The following ALAS1 variants were observed in gnomAD, a reference collection of about 807,000 sequenced individuals.
ALAS1 encodes 5-aminolevulinate synthase, non-specific, mitochondrial.
Under a neutral mutation model 59.6 loss-of-function variants are expected in ALAS1, and 29 were observed. The observed-to-expected ratio is 0.49, with a 90% CI of 0.36 to 0.66. The LOEUF (loss-of-function observed/expected upper bound fraction) is 0.66, where lower values mean the gene tolerates loss of function less well. Among genes scored for constraint, ALAS1 ranks in the 30% least tolerant of loss-of-function variants. The pLI is 0.00. For missense variants in ALAS1, 690 were observed against 807.5 expected (o/e 0.85, Z 1.76); for synonymous variants, 299 against 296.6 (o/e 1.01, Z -0.08).
Position 52,203,548 on chromosome 3 carries a change from A to G in ALAS1, c.428-315A>G, listed in dbSNP as rs570898661. ...AGAATGGGACTCTGTCTCAAAAAAA[A>G]AAAAACAGAAAATTGAGATTAGGAT... is the stretch of plus-strand genomic sequence containing the variant. On this transcript the variant is annotated intron_variant, in intron 4 of 11. Transcript: ENST00000484952. Among the ~76,000 whole-genome samples the G allele has an allele frequency of 1.8e-4, 27 of 151,942 alleles. No homozygotes were observed. In the East Asian group the frequency reaches 4.8e-3, roughly 27 times the overall value.
intron 3 of ALAS1, among the ~76,000 whole-genome samples, chr3:52,202,141 G>A (rs931172249): frequency 6.6e-6 from 1 of 152,202 alleles, no homozygotes; most frequent in Non-Finnish European, 1.5e-5. Flanking sequence ...CCTGAGGTCA[G>A]GAGTTCAAGA....
intron 11 of ALAS1, among the ~76,000 whole-genome samples, chr3:52,212,984 G>T (rs566415278): frequency 6.6e-6 from 1 of 152,282 alleles, no homozygotes; most frequent in South Asian, 2.1e-4. Context: ...GTGCCCCCTT[G>T]TCTACGTGGC....
chr3:52,209,798 A>G (rs191206051), intron 9 of ALAS1, among the ~76,000 whole-genome samples: 79 of 151,646 alleles, frequency 5.2e-4, no homozygotes, highest in African/African-American at 1.8e-3. Context: ...TCCCACCTCA[A>G]CCTCCTGAAT....
In ALAS1 at chr3:52,198,757, C is replaced by T; in HGVS notation, c.-124C>T. 1 of 1,523,446 alleles carries T rather than the reference C, an allele frequency of 6.6e-7. No homozygotes were observed. Among genetic ancestry groups the T allele is most frequent in the South Asian group, 1.2e-5 (1 of 83,780 alleles). The allele number at this position is 1,523,446 out of a possible 1,614,324, so 94.4% of individuals were successfully genotyped here. On this transcript the variant is annotated 5_prime_UTR_variant, in exon 2 of 12. Transcript: ENST00000484952. ...TCGGGACCCTGCTGGACCCCTTCCT[C>T]GGGTTTAGGGGATGTGGGGACCAGG...
Position 52,208,087 on chromosome 3 carries a change from G to GGTGTGCCCACTGGAAGAGCT in ALAS1, c.1176_1195dup (p.Asp399AlafsTer69). 2 of 1,568,664 alleles carry GGTGTGCCCACTGGAAGAGCT rather than the reference G, an allele frequency of 1.3e-6. No individual in the cohort carries two copies. The highest frequency in any genetic ancestry group is 8.6e-7 in the Non-Finnish European group (1 of 1,159,644). ...CAGTCTCTGGTCTTTCCTCAGGGGC[G>GGTGTGCCCACTGGAAGAGCT]GTGTGCCCACTGGAAGAGCTGTGTG... is the stretch of plus-strand genomic sequence containing the variant. On this transcript the variant is annotated frameshift_variant, in exon 9 of 12. Coordinates refer to ENST00000484952, the MANE Select transcript of ALAS1 (RefSeq NM_000688.6). LOFTEE classifies it high-confidence loss of function.
intron 8 of ALAS1, among the ~76,000 whole-genome samples, chr3:52,207,390 C>T (rs936995065): frequency 1.8e-4 from 28 of 152,224 alleles, no homozygotes; most frequent in South Asian, 4.1e-4. Context: ...CCCACCTTGG[C>T]GTCCCAAAGT....
At chr3:52,212,458 GT>G (rs1699431054) in intron 11 of ALAS1, 38 bp downstream of exon 11, 1 of 1,611,318 alleles carries the variant, frequency 6.2e-7, no homozygotes, top group African/African-American at 1.3e-5. Flanking sequence ...TCACTGAGGA[GT>G]TGCATAAAGC....
intron 3 of ALAS1, among the ~76,000 whole-genome samples, chr3:52,199,806 C>T (rs1351535671): frequency 2.0e-5 from 3 of 152,132 alleles, no homozygotes; most frequent in Non-Finnish European, 4.4e-5. Context: ...AACATTTGGC[C>T]TTCGGCTTTT....
At chr3:52,212,727 C>T (rs1699438086) in intron 11 of ALAS1, among the ~76,000 whole-genome samples, 2 of 152,182 alleles carry the variant, frequency 1.3e-5, no homozygotes, top group Non-Finnish European at 2.9e-5. Flanking sequence ...GATGGGGTTT[C>T]TCCATGTTGG....
intron 9 of ALAS1, among the ~76,000 whole-genome samples, chr3:52,209,272 A>G (rs1462255101): frequency 6.6e-6 from 1 of 151,860 alleles, no homozygotes; most frequent in Non-Finnish European, 1.5e-5. Context: ...CAGTGGCGCG[A>G]TCTCAGCTCA....
At chr3:52,203,295 C>A (rs1699226182) in intron 4 of ALAS1, among the ~76,000 whole-genome samples, 1 of 152,198 alleles carries the variant, frequency 6.6e-6, no homozygotes, top group Admixed American at 6.5e-5. Context: ...AATCCCAGCA[C>A]TTTGGGAGGC....
intron 3 of ALAS1, among the ~76,000 whole-genome samples, chr3:52,202,000 C>T (rs1188201138): frequency 2.6e-5 from 4 of 152,124 alleles, no homozygotes; most frequent in African/African-American, 4.8e-5. Flanking sequence ...TCTTCATAGA[C>T]GCATTGTTTC....
In ALAS1 at chr3:52,208,096, A is replaced by T. The variant is rs1699331282; in HGVS notation, c.1179A>T (p.Pro393=). The T allele has an allele frequency of 6.3e-7, 1 of 1,580,578 alleles. No individual in the cohort carries two copies. Among genetic ancestry groups the T allele is most frequent in the African/African-American group, 1.4e-5 (1 of 73,578 alleles). The change falls in exon 9 of 12, where the codon CCA becomes CCT. Residue 393 remains proline (P), a synonymous_variant. Transcript: ENST00000484952. ...TVHSMDGAVC[P]LEELCDVAHE... is the part of the protein sequence containing the mutation. Reference sequence around the variant, plus strand: ...GTCTTTCCTCAGGGGCGGTGTGCCCACTGGAAGAGCTGTGTGATGTGGCCC... The same window carrying T: ...GTCTTTCCTCAGGGGCGGTGTGCCCTCTGGAAGAGCTGTGTGATGTGGCCC...
At chr3:52,206,825 T>G in intron 8 of ALAS1, 74 bp downstream of exon 8, 1 of 1,510,562 alleles carries the variant, frequency 6.6e-7, no homozygotes, top group Non-Finnish European at 9.0e-7. Flanking sequence ...GTATGGTGTT[T>G]TGTTGTGTTT....
chr3:52,204,626 G>GT, intron 5 of ALAS1, 67 bp from the exon 6 acceptor site: 1 of 1,367,934 alleles, frequency 7.3e-7, no homozygotes, highest in Non-Finnish European at 1.0e-6. Flanking sequence ...GAGACTTGTT[G>GT]TATTTCACCA....
At chr3:52,206,053 G>A (rs1380405242) in intron 7 of ALAS1, 30 bp downstream of exon 7, 1 of 1,551,050 alleles carries the variant, frequency 6.4e-7, no homozygotes, top group East Asian at 2.3e-5. Flanking sequence ...GTGCCTTCGA[G>A]TTTTTTGGGT....
At chr3:52,207,863 G>A (rs1358543051) in intron 8 of ALAS1, among the ~76,000 whole-genome samples, 1 of 152,100 alleles carries the variant, frequency 6.6e-6, no homozygotes, top group Non-Finnish European at 1.5e-5. Flanking sequence ...TGTAATTGGT[G>A]GACTTTTTTC....
intron 9 of ALAS1, 53 bp from the exon 10 acceptor site, chr3:52,211,230 A>G (rs1288951995): frequency 1.7e-5 from 27 of 1,593,122 alleles, no homozygotes; most frequent in South Asian, 3.3e-5. Context: ...TGCTGTGTCC[A>G]TTTAGAGCAA....
At position 52,204,346 on chromosome 3, in the gene ALAS1, G is replaced by A. The variant is rs1315475810; in HGVS notation, c.577+334G>A. Reference sequence around the variant, plus strand: ...TTCAGTGAGCTATGATCACGCTATTGCACTCCAGCCTGAATGACAGACAGA... The same window carrying A: ...TTCAGTGAGCTATGATCACGCTATTACACTCCAGCCTGAATGACAGACAGA... On this transcript the variant is annotated intron_variant, in intron 5 of 11. Transcript: ENST00000484952. 2.0e-5 allele frequency among the ~76,000 whole-genome samples: 3 copies of A among 152,192 alleles called. No homozygotes were observed. The East Asian group carries it at 5.8e-4, about 29-fold the overall frequency.
Sources: allele counts gnomAD v4.1 joint callset (sites outside exome capture counted in the v4.1 genomes callset), GRCh38; gene constraint gnomAD v4.1.1; transcripts MANE v1.5; gene names NCBI Gene and HGNC (gene_info 2026-07-23, HGNC 2026-07-21).